SPRED2: variants seen among roughly 807,000 people sequenced by gnomAD.
The protein encoded by SPRED2 is sprouty-related, EVH1 domain-containing protein 2.
A neutral mutation model predicts 43.0 loss-of-function variants in SPRED2; 47 were observed. That is an observed-to-expected ratio of 1.09 (90% confidence interval 0.87 to 1.40). The LOEUF is 1.40. SPRED2 is among the 40% of genes most tolerant of loss of function. The pLI is 0.00. For synonymous variants in SPRED2, 225 were observed against 225.7 expected (o/e 1.00, Z 0.03); for missense variants, 561 against 586.4 (o/e 0.96, Z 0.45).
intron 5 of SPRED2, 84 bp downstream of exon 5, chr2:65,316,650 T>A (rs1008386349): frequency 6.7e-7 from 1 of 1,493,458 alleles, no homozygotes. Context: ...GTCATGGAAT[T>A]TGGCTGAATA....
At chr2:65,418,081 CAG>C (rs1027603731) in intron 1 of SPRED2, among the ~76,000 whole-genome samples, 2 of 152,298 alleles carry the variant, frequency 1.3e-5, no homozygotes, top group African/African-American at 2.4e-5. Context: ...TAACTAAAGT[CAG>C]AGAGAAAAAT....
intron 5 of SPRED2, among the ~76,000 whole-genome samples, chr2:65,315,162 T>G (rs1177270643): frequency 6.6e-6 from 1 of 152,210 alleles, no homozygotes; most frequent in Non-Finnish European, 1.5e-5. Context: ...AACTGAGACT[T>G]CTTGCTTTCG....
At chr2:65,391,510 G>A (rs1263036117) in intron 1 of SPRED2, among the ~76,000 whole-genome samples, 2 of 152,084 alleles carry the variant, frequency 1.3e-5, no homozygotes, top group African/African-American at 2.4e-5. Context: ...GTTTTGTATT[G>A]CCCATCTTAT....
At chr2:65,310,307 A>G (rs1378144689), downstream of SPRED2, among the ~76,000 whole-genome samples, 1 of 151,914 alleles carries the variant, frequency 6.6e-6, no homozygotes, top group Non-Finnish European at 1.5e-5. Flanking sequence ...AAGACCTCAT[A>G]CTTTATTTCC....
chr2:65,352,710 G>T (rs1674545223), intron 1 of SPRED2, among the ~76,000 whole-genome samples: 1 of 152,196 alleles, frequency 6.6e-6, no homozygotes, highest in Non-Finnish European at 1.5e-5. Flanking sequence ...TGCAACCTCT[G>T]CCTCCCAGAT....
In SPRED2 at chr2:65,331,984, TACTGTAAAAACGTCATCA is replaced by T. The variant is rs1257755685; in HGVS notation, c.423_438+2del. ...TGGAAAGCAAAGGACAAAGGAAACT[TACTGTAAAAACGTCATCA>T]TCGCCAAGCTCAGCTTCATTATGGA... On this transcript the variant is annotated splice_donor_variant and coding_sequence_variant, in exon 4 of 6. Transcript: ENST00000356388. LOFTEE classifies it high-confidence loss of function. 6.2e-7 allele frequency: 1 copy of T among 1,604,240 alleles called. No individual in the cohort carries two copies. Among genetic ancestry groups the T allele is most frequent in the Non-Finnish European group, 8.5e-7 (1 of 1,173,844 alleles).
chr2:65,432,249 G>C lies in SPRED2; in HGVS notation c.-262C>G, dbSNP rs538424993. ...GCGGGCGGAGGCTCCGGGGGCTCGG[G>C]AGCGGGCAGAGGGGGCGAGATTTGG... On this transcript the variant is annotated 5_prime_UTR_variant, in exon 1 of 6. Transcript: ENST00000356388. 74 of 523,714 alleles carry C rather than the reference G, an allele frequency of 1.4e-4. No homozygotes were observed. The highest frequency in any genetic ancestry group is 1.3e-3 in the African/African-American group (69 of 51,736). 32.4% of individuals were successfully genotyped at this position (523,714 alleles called of 1,614,324 possible). A position where few individuals can be genotyped will look rare whatever the true frequency, so the allele number is the denominator to read the frequency against.
chr2:65,385,316 T>C (rs1281110734), intron 1 of SPRED2, among the ~76,000 whole-genome samples: 2 of 151,918 alleles, frequency 1.3e-5, no homozygotes, highest in Non-Finnish European at 2.9e-5. Flanking sequence ...CTTATGACCT[T>C]GCTGACTGAT....
At chr2:65,420,209 CAAAA>C (rs61448407) in intron 1 of SPRED2, among the ~76,000 whole-genome samples, 15 of 79,802 alleles carry the variant, frequency 1.9e-4, no homozygotes, top group African/African-American at 7.2e-4. Flanking sequence ...GACTCTGTCT[CAAAA>C]AAAAAAAAAA....
intron 1 of SPRED2, among the ~76,000 whole-genome samples, chr2:65,352,291 C>T (rs536083672): frequency 1.3e-5 from 2 of 152,324 alleles, no homozygotes; most frequent in South Asian, 4.1e-4. Context: ...ATAAAGAGAA[C>T]CAGTTTGCAT....
chr2:65,391,319 T>A (rs1056588584), intron 1 of SPRED2, among the ~76,000 whole-genome samples: 1 of 151,812 alleles, frequency 6.6e-6, no homozygotes, highest in African/African-American at 2.4e-5. Context: ...TAATATAACA[T>A]AAAAGAATAA....
Position 65,312,549 on chromosome 2 carries a change from C to T in SPRED2, c.*952G>A. 2 of 985,496 alleles carry T rather than the reference C, an allele frequency of 2.0e-6. No individual in the cohort carries two copies. Among genetic ancestry groups the T allele is most frequent in the Non-Finnish European group, 1.2e-6 (1 of 829,916 alleles). 61.0% of individuals were successfully genotyped at this position (985,496 alleles called of 1,614,324 possible). A position where few individuals can be genotyped will look rare whatever the true frequency, so the allele number is the denominator to read the frequency against. ...GAACACTGATTTGTGTTTGAGGAAA[C>T]TATTTGGTTTGCAAAACAACAAGCA... is the stretch of plus-strand genomic sequence containing the variant. On this transcript the variant is annotated 3_prime_UTR_variant, in exon 6 of 6. Coordinates refer to ENST00000356388, the MANE Select transcript of SPRED2 (RefSeq NM_181784.3).
chr2:65,332,223 A>T (rs1673834515), intron 3 of SPRED2, 172 bp from the exon 4 acceptor site: 1 of 473,952 alleles, frequency 2.1e-6, no homozygotes, highest in East Asian at 3.8e-5. Context: ...TCTTTAATTG[A>T]TTCTTGCCAG....
downstream of SPRED2, among the ~76,000 whole-genome samples, chr2:65,309,120 C>T (rs1010370736): frequency 2.7e-5 from 4 of 149,794 alleles, no homozygotes; most frequent in Non-Finnish European, 4.4e-5. Flanking sequence ...CATAACACTG[C>T]ACTCCAGCCT....
intron 2 of SPRED2, among the ~76,000 whole-genome samples, 188 bp from the exon 3 acceptor site, chr2:65,334,961 G>A (rs532875033): frequency 5.9e-5 from 9 of 152,138 alleles, no homozygotes; most frequent in African/African-American, 1.7e-4. Context: ...TCCGATCTTC[G>A]CTGCTCCCCA....
intron 1 of SPRED2, among the ~76,000 whole-genome samples, chr2:65,416,697 CA>C (rs1487493924): frequency 6.6e-6 from 1 of 152,108 alleles, no homozygotes; most frequent in Non-Finnish European, 1.5e-5. Context: ...AATCTAGTTT[CA>C]AAGTAGGATG....
chr2:65,407,590 T>G (rs1276876100), intron 1 of SPRED2, among the ~76,000 whole-genome samples: 1 of 152,228 alleles, frequency 6.6e-6, no homozygotes, highest in Non-Finnish European at 1.5e-5. Flanking sequence ...TGTCAATGAC[T>G]GTCATGCACA....
At chr2:65,368,052 C>A (rs980025321) in intron 1 of SPRED2, among the ~76,000 whole-genome samples, 1 of 152,120 alleles carries the variant, frequency 6.6e-6, no homozygotes, top group South Asian at 2.1e-4. Context: ...CATATTGATG[C>A]GCTGTGAAAA....
At chr2:65,391,783 C>A (rs1002254511) in intron 1 of SPRED2, among the ~76,000 whole-genome samples, 2 of 152,166 alleles carry the variant, frequency 1.3e-5, no homozygotes, top group Admixed American at 6.5e-5. Flanking sequence ...ATTCTACTCT[C>A]AAACAACAGG....
Sources: allele counts gnomAD v4.1 joint callset (sites outside exome capture counted in the v4.1 genomes callset), GRCh38; gene constraint gnomAD v4.1.1; transcripts MANE v1.5; gene names NCBI Gene and HGNC (gene_info 2026-07-23, HGNC 2026-07-21).